The following ZNF326 variants were observed in gnomAD, a reference collection of about 807,000 sequenced individuals.
ZNF326 encodes DBIRD complex subunit ZNF326.
A neutral mutation model predicts 63.1 loss-of-function variants in ZNF326; 30 were observed. That is an observed-to-expected ratio of 0.48 (90% CI 0.36 to 0.64). ZNF326 has a LOEUF of 0.64. ZNF326 is among the 30% of genes least tolerant of loss of function. The pLI is 0.00. For synonymous variants in ZNF326, 194 were observed against 228.2 expected, an observed-to-expected ratio of 0.85 and a Z score of 1.35; for missense variants, 609 against 720.3, an observed-to-expected ratio of 0.85 and a Z score of 1.77.
Position 90,013,392 on chromosome 1 carries a change from G to A in ZNF326, c.926+155G>A, listed in dbSNP as rs186450085. On this transcript the variant is annotated intron_variant, in intron 7 of 11. Coordinates refer to ENST00000340281, the MANE Select transcript of ZNF326 (RefSeq NM_182976.4). ...TGCTTTTGGTTTTTGATATTTATATGTAATCACTACTTAGAAAACATAAGA... is the reference window on the plus strand; with the variant it reads ...TGCTTTTGGTTTTTGATATTTATATATAATCACTACTTAGAAAACATAAGA... Among the ~76,000 whole-genome samples the A allele has an allele frequency of 5.9e-4, 90 of 152,310 alleles. No individual in the cohort carries two copies. In the Middle Eastern group the frequency reaches 0.017, roughly 29 times the overall value.
intron 7 of ZNF326, among the ~76,000 whole-genome samples, chr1:90,014,090 GAAC>G (rs1649382579): frequency 6.6e-6 from 1 of 151,420 alleles, no homozygotes; most frequent in African/African-American, 2.4e-5. Flanking sequence ...GGAATTGGTT[GAAC>G]AATGAAATAA....
intron 2 of ZNF326, among the ~76,000 whole-genome samples, chr1:90,003,115 T>G (rs2186185): frequency 0.96 from 145,813 of 151,280 alleles, 70,310 homozygotes; most frequent in East Asian, 0.98. Context: ...TAAAACAATG[T>G]TTTCACTTAG....
intron 10 of ZNF326, among the ~76,000 whole-genome samples, chr1:90,021,352 A>T (rs1649764684): frequency 6.6e-6 from 1 of 151,660 alleles, no homozygotes; most frequent in Non-Finnish European, 1.5e-5. Context: ...TTTGTGAGAG[A>T]GTGTGTGTGT....
Position 90,004,987 on chromosome 1 carries a change from AT to A in ZNF326, c.62-14del. On this transcript the variant is annotated splice_polypyrimidine_tract_variant and intron_variant, in intron 2 of 11. Transcript: ENST00000340281. ...TGGTGTATTTTACTGACAATTTCTT[AT>A]TGACTCTCTTTTAGGAATGGATCGT... 1.2e-6 allele frequency: 2 copies of A among 1,612,054 alleles called. No homozygotes were observed. The highest frequency in any genetic ancestry group is 1.7e-6 in the Non-Finnish European group (2 of 1,178,566).
At position 90,024,980 on chromosome 1, in the gene ZNF326, GTT is replaced by G. The variant is rs563668519; in HGVS notation, c.1402-2358_1402-2357del. 7.4e-3 allele frequency among the ~76,000 whole-genome samples: 957 copies of G among 128,510 alleles called. 3 individuals are homozygous for G. The highest frequency in any genetic ancestry group is 9.7e-3 in the Non-Finnish European group (604 of 62,258). 84.3% of individuals were successfully genotyped at this position (128,510 alleles called of 152,430 possible). On this transcript the variant is annotated intron_variant, in intron 11 of 11. Transcript: ENST00000340281. ...CTTACTTGCATCTGATTTTTTTCCT[GTT>G]TTTTTTTTTTTTTTTCTAATCTTCC...
chr1:90,014,963 C>G (rs1012036168), intron 7 of ZNF326, among the ~76,000 whole-genome samples: 8 of 151,910 alleles, frequency 5.3e-5, no homozygotes, highest in Non-Finnish European at 7.4e-5. Flanking sequence ...GGATTATGTT[C>G]ATGTTAATAT....
Position 90,000,231 on chromosome 1 carries a change from T to C in ZNF326, c.61+2077T>C, listed in dbSNP as rs1648605046. 3.3e-5 allele frequency among the ~76,000 whole-genome samples: 5 copies of C among 152,130 alleles called. No individual in the cohort carries two copies. The South Asian group carries it at 8.3e-4, about 25-fold the overall frequency. On this transcript the variant is annotated intron_variant, in intron 2 of 11. Coordinates refer to ENST00000340281, the MANE Select transcript of ZNF326 (RefSeq NM_182976.4). The stretch of plus-strand genomic sequence containing the variant: ...TGTGTAGGTACCAAAAAGCCAAAAA[T>C]ATATTTTATTGTTAGCACTGTATTT...
rs940993692 is a variant in ZNF326 at position 89,995,133 on chromosome 1, C to A, written c.-125C>A. The A allele has an allele frequency of 1.6e-6, 2 of 1,242,540 alleles. No homozygotes were observed. The highest frequency in any genetic ancestry group is 1.1e-6 in the Non-Finnish European group (1 of 904,700). 77.0% of individuals were successfully genotyped at this position (1,242,540 alleles called of 1,614,324 possible). On this transcript the variant is annotated 5_prime_UTR_variant, in exon 1 of 12. Coordinates refer to ENST00000340281, the MANE Select transcript of ZNF326 (RefSeq NM_182976.4). ...CCAGCCTCGCTGTGGCCTGCGGCTC[C>A]CGGGCTGGTAGCGCGCCGCTCTCGG...
intron 11 of ZNF326, among the ~76,000 whole-genome samples, chr1:90,026,685 C>G (rs1650028673): frequency 6.6e-6 from 1 of 152,144 alleles, no homozygotes; most frequent in South Asian, 2.1e-4. Context: ...CTACACATTC[C>G]TGTGTCATTC....
Position 90,017,368 on chromosome 1 carries a change from T to A in ZNF326, c.978T>A (p.Asp326Glu). The change falls in exon 8 of 12, where the codon GAT (aspartate) becomes GAA (glutamate). Residue 326 changes from aspartate to glutamate, a missense_variant. Around this residue, in one of 3 missense-constraint regions of ZNF326, gnomAD observed 399 missense variants for 444.3 expected, o/e 0.90. Coordinates refer to ENST00000340281, the MANE Select transcript of ZNF326 (RefSeq NM_182976.4). ...FCKFRTFEEK[D>E]IELHLESSSH... The stretch of plus-strand genomic sequence containing the variant: ...AATTTCGAACATTTGAAGAAAAAGA[T>A]ATTGAACTGCATCTGGAAAGTTCTT... 6.2e-7 allele frequency: 1 copy of A among 1,606,868 alleles called. No individual in the cohort carries two copies. Among genetic ancestry groups the A allele is most frequent in the East Asian group, 2.2e-5 (1 of 44,588 alleles).
rs949985138 is a variant in ZNF326 at position 90,029,595 on chromosome 1, T to C, written c.*1894T>C. 4 of 152,206 alleles carry C rather than the reference T, an allele frequency of 2.6e-5. No homozygotes were observed. The highest frequency in any genetic ancestry group is 4.4e-5 in the Non-Finnish European group (3 of 68,034). 9.4% of individuals were successfully genotyped at this position (152,206 alleles called of 1,614,324 possible). A position where few individuals can be genotyped will look rare whatever the true frequency, so the allele number is the denominator to read the frequency against. On this transcript the variant is annotated 3_prime_UTR_variant, in exon 12 of 12. Coordinates refer to ENST00000340281, the MANE Select transcript of ZNF326 (RefSeq NM_182976.4). The stretch of plus-strand genomic sequence containing the variant: ...CTCTAGGTTATTAGTATTTGGTTCT[T>C]CTGATACTAAGCTGAGTGATTTTTT...
At chr1:90,012,842 G>A (rs1382476680) in intron 6 of ZNF326, among the ~76,000 whole-genome samples, 1 of 152,098 alleles carries the variant, frequency 6.6e-6, no homozygotes, top group Non-Finnish European at 1.5e-5. Context: ...TTAGAATAAG[G>A]ATAGGACAAA....
At chr1:90,008,984 T>C (rs1183048161) in intron 5 of ZNF326, among the ~76,000 whole-genome samples, 1 of 152,172 alleles carries the variant, frequency 6.6e-6, no homozygotes, top group East Asian at 1.9e-4. Context: ...CATAGGTTAA[T>C]TGAAAATAGT....
At position 90,007,650 on chromosome 1, in the gene ZNF326, C is replaced by T. The variant is rs757139940; in HGVS notation, c.515C>T (p.Ser172Phe). 1 of 1,540,814 alleles carries T rather than the reference C, an allele frequency of 6.5e-7. No individual in the cohort carries two copies. Among genetic ancestry groups the T allele is most frequent in the Non-Finnish European group, 8.7e-7 (1 of 1,144,852 alleles). ...SPHMKPAPVG[S>F]RGRGTPAYPE... is the part of the protein sequence containing the mutation. ...CATATGAAGCCTGCACCTGTAGGCT[C>T]TCGGGGGAGAGGAACGCCTGCTTAT... Residue 172 changes from serine to phenylalanine, a missense_variant, in exon 5 of 12, where the codon TCT (serine) becomes TTT (phenylalanine). Ser to Phe is a radical substitution (Grantham distance 155). Around this residue, in one of 3 missense-constraint regions of ZNF326, gnomAD observed 113 missense variants for 187.4 expected, o/e 0.60. Coordinates refer to ENST00000340281, the MANE Select transcript of ZNF326 (RefSeq NM_182976.4). This position sits in a 1 kb window ranked among gnomAD's most constrained non-coding sequence, Gnocchi z 4.9.
intron 2 of ZNF326, among the ~76,000 whole-genome samples, chr1:90,003,940 A>G (rs1648826330): frequency 6.6e-6 from 1 of 152,182 alleles, no homozygotes. Context: ...TTTAAAAAAT[A>G]TAAAATTAAG....
chr1:90,007,428 C>T lies in ZNF326; in HGVS notation c.293C>T (p.Pro98Leu), dbSNP rs139757891. 6.2e-7 allele frequency: 1 copy of T among 1,613,876 alleles called. No individual in the cohort carries two copies. The highest frequency in any genetic ancestry group is 8.5e-7 in the Non-Finnish European group (1 of 1,179,996). The stretch of plus-strand genomic sequence containing the variant: ...AGATCTGGCTATGGTTTTAATGAAC[C>T]CGAACAAAGCCGCTTCGGAGGTAGT... The part of the protein sequence containing the change: ...LYRSGYGFNE[P>L]EQSRFGGSYG... Residue 98 changes from proline (P) to leucine (L), a missense_variant, in exon 5 of 12, where the codon CCC becomes CTC. Coordinates refer to ENST00000340281, the MANE Select transcript of ZNF326 (RefSeq NM_182976.4). This position sits in a 1 kb window ranked among gnomAD's most constrained non-coding sequence, Gnocchi z 4.9.
intron 6 of ZNF326, 59 bp from the exon 7 acceptor site, chr1:90,013,067 T>C: frequency 2.1e-6 from 3 of 1,429,802 alleles, no homozygotes; most frequent in South Asian, 2.6e-5. Context: ...GAACTGATGA[T>C]TGGAAAGAGA....
chr1:89,998,119 A>G lies in ZNF326; in HGVS notation c.26A>G (p.His9Arg). The change falls in exon 2 of 12, where the codon CAC (histidine) becomes CGC (arginine). Residue 9 changes from histidine to arginine, a missense_variant. Coordinates refer to ENST00000340281, the MANE Select transcript of ZNF326 (RefSeq NM_182976.4). ...AAATGTGTCTTCATAGATTACACAC[A>G]CTCCGCCTGCAGGAATACTTATCAG... MDFEDDYT[H>R]SACRNTYQGF... The G allele has an allele frequency of 6.2e-7, 1 of 1,613,036 alleles. No homozygotes were observed.
chr1:90,030,249 T>G lies in ZNF326; in HGVS notation c.*2548T>G, dbSNP rs1650211547. 1 of 152,184 alleles carries G rather than the reference T, an allele frequency of 6.6e-6. No homozygotes were observed. Among genetic ancestry groups the G allele is most frequent in the African/African-American group, 2.4e-5 (1 of 41,448 alleles). The allele number at this position is 152,184 out of a possible 1,614,324, so 9.4% of individuals were successfully genotyped here. ...CAAGTCATGATAATTTCTTGTTAACTAATCTTGATTCCACCCTTACCATGA... is the reference window on the plus strand; with the variant it reads ...CAAGTCATGATAATTTCTTGTTAACGAATCTTGATTCCACCCTTACCATGA... On this transcript the variant is annotated 3_prime_UTR_variant, in exon 12 of 12. Coordinates refer to ENST00000340281, the MANE Select transcript of ZNF326 (RefSeq NM_182976.4).
Sources: allele counts gnomAD v4.1 joint callset (sites outside exome capture counted in the v4.1 genomes callset), GRCh38; gene constraint gnomAD v4.1.1; regional missense constraint gnomAD v4.1.1; non-coding constraint Gnocchi (gnomAD v3.1); transcripts MANE v1.5; gene names NCBI Gene and HGNC (gene_info 2026-07-23, HGNC 2026-07-21).